FOXP2: variants seen among roughly 807,000 people sequenced by gnomAD.
The protein encoded by FOXP2 is forkhead box P2.
Under a neutral mutation model 115.8 loss-of-function variants are expected in FOXP2, and 12 were observed. The observed-to-expected ratio is 0.10, with a 90% CI of 0.07 to 0.17. The LOEUF (loss-of-function observed/expected upper bound fraction) is 0.17, where lower values mean the gene tolerates loss of function less well. Among genes scored for constraint, FOXP2 ranks in the 10% least tolerant of loss-of-function variants. The pLI is 1.00. For synonymous variants in FOXP2, 328 were observed against 297.7 expected (o/e 1.10, Z -1.05); for missense variants, 629 against 843.5 (o/e 0.75, Z 3.15).
intron 2 of FOXP2, among the ~76,000 whole-genome samples, chr7:114,299,503 A>G (rs1317382866): frequency 6.6e-6 from 1 of 151,648 alleles, no homozygotes; most frequent in Admixed American, 6.6e-5. Context: ...TTTTTTATTA[A>G]TTTAATTTAT....
intron 3 of FOXP2, among the ~76,000 whole-genome samples, chr7:114,567,319 A>T (rs1801074839): frequency 6.6e-6 from 1 of 152,060 alleles, no homozygotes; most frequent in Admixed American, 6.6e-5. Context: ...CCATATGATG[A>T]TGTTACTTAT....
chr7:114,170,427 C>G (rs10272284), intron 1 of FOXP2, among the ~76,000 whole-genome samples: 5,454 of 152,246 alleles, frequency 0.036, 142 homozygotes, highest in African/African-American at 0.067. Context: ...TCACATATCA[C>G]TCACTTTAAA....
At chr7:114,620,349 G>C (rs1486599227) in intron 3 of FOXP2, among the ~76,000 whole-genome samples, 2 of 152,036 alleles carry the variant, frequency 1.3e-5, no homozygotes, top group African/African-American at 4.8e-5. Flanking sequence ...TCTGACCAAA[G>C]TGTTAATTGG....
At chr7:114,667,996 G>C (rs2129344291) in intron 16 of FOXP2, 1 of 152,144 alleles carries the variant, frequency 6.6e-6, no homozygotes, top group Non-Finnish European at 1.5e-5. Context: ...TGAATGCTAG[G>C]GACAAAGATG....
upstream of FOXP2, chr7:114,087,698 C>G (rs1280742596): frequency 6.6e-6 from 1 of 150,380 alleles, no homozygotes; most frequent in Non-Finnish European, 1.5e-5. Context: ...GTTTTCTGCG[C>G]GCCTCTGCCC....
intron 3 of FOXP2, among the ~76,000 whole-genome samples, chr7:114,574,190 C>A (rs1801461355): frequency 6.6e-6 from 1 of 151,674 alleles, no homozygotes; most frequent in Non-Finnish European, 1.5e-5. Context: ...TAAATTTTAT[C>A]TACTTGTTGT....
At chr7:114,450,758 A>C (rs1231938786) in intron 2 of FOXP2, among the ~76,000 whole-genome samples, 3 of 152,066 alleles carry the variant, frequency 2.0e-5, no homozygotes, top group African/African-American at 7.2e-5. Context: ...AGATTTCTTT[A>C]TGATTAAAAA....
intron 3 of FOXP2, among the ~76,000 whole-genome samples, chr7:114,618,362 A>G (rs1404624911): frequency 6.6e-6 from 1 of 152,252 alleles, no homozygotes; most frequent in African/African-American, 2.4e-5. Context: ...AGTACAGACT[A>G]AATCAGAAAC....
intron 8 of FOXP2, among the ~76,000 whole-genome samples, chr7:114,650,627 C>T (rs1048236658): frequency 1.3e-4 from 20 of 152,048 alleles, no homozygotes; most frequent in Admixed American, 5.9e-4. Context: ...GGCTTACTCT[C>T]ACATTCCATA....
At chr7:114,475,485 C>T (rs542306000) in intron 2 of FOXP2, among the ~76,000 whole-genome samples, 8 of 152,038 alleles carry the variant, frequency 5.3e-5, no homozygotes, top group South Asian at 4.1e-4. Context: ...GGCCCCTTTG[C>T]GTGATTCCAT....
At chr7:114,175,991 T>G (rs1793278953) in intron 1 of FOXP2, among the ~76,000 whole-genome samples, 2 of 152,202 alleles carry the variant, frequency 1.3e-5, no homozygotes, top group Non-Finnish European at 2.9e-5. Flanking sequence ...ATCTTGTACC[T>G]TTTTCTCCCC....
intron 3 of FOXP2, among the ~76,000 whole-genome samples, chr7:114,579,850 C>T (rs1045230187): frequency 6.6e-6 from 1 of 151,956 alleles, no homozygotes; most frequent in Admixed American, 6.6e-5. Context: ...GAGTTATCAC[C>T]TATATTTGAG....
At chr7:114,596,944 T>C (rs1045084058) in intron 3 of FOXP2, among the ~76,000 whole-genome samples, 1 of 152,096 alleles carries the variant, frequency 6.6e-6, no homozygotes, top group African/African-American at 2.4e-5. Context: ...CTTTTCTTTA[T>C]TGTACTGTAA....
At chr7:114,090,308 T>C (rs978119129) in intron 1 of FOXP2, among the ~76,000 whole-genome samples, 14 of 152,036 alleles carry the variant, frequency 9.2e-5, no homozygotes, top group Non-Finnish European at 2.1e-4. Context: ...AATTGCTGAA[T>C]ATTAATTTTT....
At chr7:114,170,342 T>TA (rs1182005765) in intron 1 of FOXP2, among the ~76,000 whole-genome samples, 2 of 152,100 alleles carry the variant, frequency 1.3e-5, no homozygotes, top group African/African-American at 4.8e-5. Flanking sequence ...CCCTCTTCCC[T>TA]AAAAAACAAC....
intron 2 of FOXP2, among the ~76,000 whole-genome samples, chr7:114,296,480 G>T (rs1040042130): frequency 6.6e-6 from 1 of 150,736 alleles, no homozygotes; most frequent in Non-Finnish European, 1.5e-5. Context: ...TTTCTGAAAA[G>T]TATCCTGTGG....
In FOXP2 at chr7:114,345,795, A is replaced by G. The variant is rs574998699; in HGVS notation, c.-11+57686A>G. On this transcript the variant is annotated intron_variant, in intron 2 of 17. Coordinates refer to the FOXP2 transcript ENST00000634411. Reference sequence around the variant, plus strand: ...TAGTTCAATTCTTAAAGTACAGCTTATATCTGTATTATACCATATGGAAGT... The same window carrying G: ...TAGTTCAATTCTTAAAGTACAGCTTGTATCTGTATTATACCATATGGAAGT... 1.0e-3 allele frequency among the ~76,000 whole-genome samples: 157 copies of G among 151,866 alleles called. 1 individual carries two copies. Among genetic ancestry groups the G allele is most frequent in the African/African-American group, 3.6e-3 (150 of 41,508 alleles).
At chr7:114,329,755 C>T (rs1562873541) in intron 2 of FOXP2, among the ~76,000 whole-genome samples, 1 of 151,828 alleles carries the variant, frequency 6.6e-6, no homozygotes, top group Non-Finnish European at 1.5e-5. Flanking sequence ...CAGCTCACTG[C>T]AACCTCCGCC....
At chr7:114,569,829 T>C (rs1403521459) in intron 3 of FOXP2, among the ~76,000 whole-genome samples, 1 of 151,972 alleles carries the variant, frequency 6.6e-6, no homozygotes, top group African/African-American at 2.4e-5. Flanking sequence ...CTGAACTTCA[T>C]AGATGTATTT....
Sources: allele counts gnomAD v4.1 joint callset (sites outside exome capture counted in the v4.1 genomes callset), GRCh38; gene constraint gnomAD v4.1.1; transcripts MANE v1.5; gene names NCBI Gene and HGNC (gene_info 2026-07-23, HGNC 2026-07-21).